Variants in THRB observed in about 807,000 individuals in gnomAD.
THRB encodes thyroid hormone receptor beta, also known as nuclear receptor subfamily 1 group A member 2.
A neutral mutation model predicts 47.8 loss-of-function variants in THRB; 12 were observed. The ratio of observed to expected loss-of-function variants is 0.25; its 90% CI spans 0.16 to 0.41. The LOEUF (loss-of-function observed/expected upper bound fraction) is 0.41. Among genes scored for constraint, THRB ranks in the 10% least tolerant of loss-of-function variants. The pLI is 1.00. For missense variants in THRB, 348 were observed against 589.2 expected (o/e 0.59, Z 4.24); for synonymous variants, 218 against 212.2 (o/e 1.03, Z -0.24).
intron 2 of THRB, among the ~76,000 whole-genome samples, chr3:24,329,075 T>C (rs1428871622): frequency 2.6e-5 from 4 of 152,096 alleles, no homozygotes; most frequent in African/African-American, 7.2e-5. Flanking sequence ...GCCTCCCATG[T>C]AGCTGGGACT....
At chr3:24,381,472 T>C (rs2065707223) in intron 1 of THRB, among the ~76,000 whole-genome samples, 1 of 152,234 alleles carries the variant, frequency 6.6e-6, no homozygotes, top group South Asian at 2.1e-4. Flanking sequence ...TACCACCACA[T>C]TGACCCACCT....
chr3:24,227,857 A>G (rs767607885), intron 4 of THRB, among the ~76,000 whole-genome samples: 4 of 152,174 alleles, frequency 2.6e-5, no homozygotes, highest in Non-Finnish European at 5.9e-5. Flanking sequence ...AACAAAAAGG[A>G]CAGTGGTGGA....
chr3:24,315,651 A>G (rs2058066900), intron 2 of THRB, among the ~76,000 whole-genome samples: 1 of 152,154 alleles, frequency 6.6e-6, no homozygotes, highest in African/African-American at 2.4e-5. Context: ...TGAGACTCCT[A>G]TGGCACTGGG....
At chr3:24,129,530 A>C (rs1323158747) in intron 9 of THRB, among the ~76,000 whole-genome samples, 1 of 152,246 alleles carries the variant, frequency 6.6e-6, no homozygotes, top group African/African-American at 2.4e-5. Flanking sequence ...GATTAGTTCA[A>C]ATTTAAATAA....
intron 3 of THRB, among the ~76,000 whole-genome samples, chr3:24,277,709 T>C (rs1184776213): frequency 6.6e-6 from 1 of 152,228 alleles, no homozygotes; most frequent in Non-Finnish European, 1.5e-5. Context: ...TCTAGAAATA[T>C]GTAGAATTAA....
At chr3:24,482,575 A>G (rs1256803570) in intron 1 of THRB, among the ~76,000 whole-genome samples, 2 of 102,068 alleles carry the variant, frequency 2.0e-5, no homozygotes, top group African/African-American at 9.2e-5. Context: ...CTCTCTCTCC[A>G]ATGTCCTAGC....
At chr3:24,452,374 C>T (rs902000172) in intron 1 of THRB, among the ~76,000 whole-genome samples, 5 of 152,032 alleles carry the variant, frequency 3.3e-5, no homozygotes, top group African/African-American at 9.7e-5. Context: ...GGTCTGTCAC[C>T]TCATGGTTCC....
chr3:24,429,556 G>T (rs1340523317), intron 1 of THRB, among the ~76,000 whole-genome samples: 1 of 152,028 alleles, frequency 6.6e-6, no homozygotes, highest in African/African-American at 2.4e-5. Flanking sequence ...AAAATTTATT[G>T]ATTTGGGTGA....
chr3:24,154,082 TC>T (rs2037429508), intron 5 of THRB, among the ~76,000 whole-genome samples: 1 of 152,210 alleles, frequency 6.6e-6, no homozygotes, highest in East Asian at 1.9e-4. Context: ...AGAAAAATGT[TC>T]CTTCTTGGGA....
chr3:24,280,157 C>T (rs1576506192), intron 3 of THRB, among the ~76,000 whole-genome samples: 1 of 152,246 alleles, frequency 6.6e-6, no homozygotes, highest in South Asian at 2.1e-4. Context: ...CCAGCCTGAG[C>T]GACGCAGAAG....
intron 5 of THRB, 99 bp downstream of exon 5, chr3:24,189,975 T>C: frequency 8.4e-7 from 1 of 1,195,224 alleles, no homozygotes; most frequent in Non-Finnish European, 1.2e-6. Context: ...TGGGACACCA[T>C]ACATTGGAAG....
intron 1 of THRB, among the ~76,000 whole-genome samples, chr3:24,406,856 G>A (rs2067864952): frequency 6.6e-6 from 1 of 151,854 alleles, no homozygotes; most frequent in Non-Finnish European, 1.5e-5. Context: ...CTTGGTAAGT[G>A]GGGCAACAGT....
At chr3:24,257,101 A>T (rs539121368) in intron 3 of THRB, among the ~76,000 whole-genome samples, 2 of 152,238 alleles carry the variant, frequency 1.3e-5, no homozygotes, top group South Asian at 4.2e-4. Context: ...TCAATTTTCC[A>T]AATGGTGAGA....
In THRB at chr3:24,142,002, G is replaced by A; in HGVS notation, c.738+1499C>T. Among the ~76,000 whole-genome samples, 2 of 152,250 alleles carry A rather than the reference G, an allele frequency of 1.3e-5. 1 individual carries two copies. The highest frequency in any genetic ancestry group is 2.9e-5 in the Non-Finnish European group (2 of 68,048). Reference sequence around the variant, plus strand: ...TCTGGCAGATATACCAGGGTGGGGTGAAGATGCAAGATCAAGGCACTGAGA... The same window carrying A: ...TCTGGCAGATATACCAGGGTGGGGTAAAGATGCAAGATCAAGGCACTGAGA... On this transcript the variant is annotated intron_variant, in intron 8 of 10. Transcript: ENST00000646209.
intron 6 of THRB, among the ~76,000 whole-genome samples, chr3:24,150,440 C>CTAGAA (rs2036748172): frequency 6.6e-6 from 1 of 152,058 alleles, no homozygotes; most frequent in East Asian, 1.9e-4. Flanking sequence ...GAAGGCAACC[C>CTAGAA]TAGAAACAGG....
chr3:24,313,793 TAA>T (rs1232043867), intron 2 of THRB, among the ~76,000 whole-genome samples: 4 of 148,050 alleles, frequency 2.7e-5, no homozygotes, highest in Admixed American at 6.7e-5. Flanking sequence ...AGGCTTTTTT[TAA>T]AAAAAAAAAC....
chr3:24,450,633 C>T (rs1023539639), intron 1 of THRB, among the ~76,000 whole-genome samples: 3 of 152,222 alleles, frequency 2.0e-5, no homozygotes, highest in South Asian at 2.1e-4. Flanking sequence ...TAATAAAGAA[C>T]TTCATTCTGC....
chr3:24,353,933 A>T (rs1188839652), intron 1 of THRB, among the ~76,000 whole-genome samples: 1 of 152,162 alleles, frequency 6.6e-6, no homozygotes, highest in Non-Finnish European at 1.5e-5. Flanking sequence ...CATCATTTAC[A>T]ATATGGTAGT....
chr3:24,475,986 G>GA (rs1324342340), intron 1 of THRB, among the ~76,000 whole-genome samples: 1 of 152,228 alleles, frequency 6.6e-6, no homozygotes, highest in Non-Finnish European at 1.5e-5. Flanking sequence ...TGAAGATCAG[G>GA]AAAGAGCCTG....
Sources: allele counts gnomAD v4.1 joint callset (sites outside exome capture counted in the v4.1 genomes callset), GRCh38; gene constraint gnomAD v4.1.1; transcripts MANE v1.5; gene names NCBI Gene and HGNC (gene_info 2026-07-23, HGNC 2026-07-21).